The following ZNRF2 variants were observed in gnomAD, a reference collection of about 807,000 sequenced individuals.
The protein encoded by ZNRF2 is zinc and ring finger 2, also known as E3 ubiquitin-protein ligase ZNRF2.
A neutral mutation model predicts 20.4 loss-of-function variants in ZNRF2; 16 were observed. The observed-to-expected ratio is 0.79, with a 90% CI of 0.53 to 1.19. The LOEUF is 1.19. Among genes scored for constraint, ZNRF2 ranks in the 50% most tolerant of loss-of-function variants. The pLI is 0.00. For synonymous variants in ZNRF2, 178 were observed against 144.9 expected (o/e 1.23, Z -1.64); for missense variants, 363 against 332.4 (o/e 1.09, Z -0.72).
chr7:30,321,457 A>C (rs952162033), intron 1 of ZNRF2, among the ~76,000 whole-genome samples: 1 of 151,670 alleles, frequency 6.6e-6, no homozygotes, highest in African/African-American at 2.4e-5. Flanking sequence ...ATTTTTATTA[A>C]ATATTATTTA....
At chr7:30,346,651 A>T (rs1236367528) in intron 2 of ZNRF2, among the ~76,000 whole-genome samples, 1 of 151,974 alleles carries the variant, frequency 6.6e-6, no homozygotes, top group Non-Finnish European at 1.5e-5. Context: ...CCGTACTCCC[A>T]TCTCTAATTA....
intron 1 of ZNRF2, among the ~76,000 whole-genome samples, chr7:30,305,398 A>G (rs1799184192): frequency 6.6e-6 from 1 of 152,154 alleles, no homozygotes. Flanking sequence ...CTCATGTTTT[A>G]AAAGATATCT....
At chr7:30,316,288 CAAAAAAAAAAAAA>C (rs60218988) in intron 1 of ZNRF2, among the ~76,000 whole-genome samples, 2,643 of 27,648 alleles carry the variant, frequency 0.096, 111 homozygotes, top group African/African-American at 0.22. Context: ...AACTCCATCT[CAAAAAAAAAAAAA>C]AAAAAAAAAA....
At position 30,356,464 on chromosome 7, in the gene ZNRF2, A is replaced by C. The variant is rs1337602922; in HGVS notation, c.671+631A>C. Among the ~76,000 whole-genome samples, 5 of 152,306 alleles carry C rather than the reference A, an allele frequency of 3.3e-5. 1 individual carries two copies. The South Asian group carries it at 1.0e-3, about 32-fold the overall frequency. On this transcript the variant is annotated intron_variant, in intron 3 of 4. Coordinates refer to ENST00000323037, the MANE Select transcript of ZNRF2 (RefSeq NM_147128.4). Reference sequence around the variant, plus strand: ...CAGTTATAATAAATACACATAGAACAAACCCACTGGTTGAAAAACAGATTG... The same window carrying C: ...CAGTTATAATAAATACACATAGAACCAACCCACTGGTTGAAAAACAGATTG...
intron 3 of ZNRF2, among the ~76,000 whole-genome samples, chr7:30,358,173 A>G (rs1226102674): frequency 6.6e-6 from 1 of 152,248 alleles, no homozygotes. Flanking sequence ...AAAAGCTAAC[A>G]ATAAATATTG....
chr7:30,329,732 A>T (rs1583584438), intron 2 of ZNRF2, among the ~76,000 whole-genome samples: 2 of 152,162 alleles, frequency 1.3e-5, no homozygotes, highest in African/African-American at 4.8e-5. Flanking sequence ...TTGAATCCAT[A>T]TCTTGGTTAT....
At chr7:30,344,493 AG>A (rs1218647667) in intron 2 of ZNRF2, among the ~76,000 whole-genome samples, 2 of 151,410 alleles carry the variant, frequency 1.3e-5, no homozygotes, top group Non-Finnish European at 2.9e-5. Context: ...TATACTATTA[AG>A]TTTTTTTTGT....
chr7:30,349,807 A>T (rs1799937005), intron 2 of ZNRF2, among the ~76,000 whole-genome samples: 1 of 152,042 alleles, frequency 6.6e-6, no homozygotes, highest in African/African-American at 2.4e-5. Flanking sequence ...TTCAAAGTAT[A>T]CTTTATTCTA....
chr7:30,303,093 C>T (rs1311989336), intron 1 of ZNRF2, among the ~76,000 whole-genome samples: 1 of 151,910 alleles, frequency 6.6e-6, no homozygotes, highest in East Asian at 1.9e-4. Context: ...CCAGCCTGGG[C>T]AACATGGAAA....
intron 3 of ZNRF2, 148 bp from the exon 4 acceptor site, chr7:30,362,229 A>C: frequency 2.1e-6 from 1 of 467,330 alleles, no homozygotes; most frequent in Non-Finnish European, 3.8e-6. Flanking sequence ...AAACATTCTT[A>C]TCTGTTGCTT....
At chr7:30,290,466 A>G (rs570028512) in intron 1 of ZNRF2, among the ~76,000 whole-genome samples, 4 of 152,218 alleles carry the variant, frequency 2.6e-5, no homozygotes, top group African/African-American at 9.6e-5. Flanking sequence ...AGGTCTGCCC[A>G]CAGACTTCCT....
chr7:30,355,623 C>A (rs1232433299), intron 2 of ZNRF2, 105 bp from the exon 3 acceptor site: 9 of 806,962 alleles, frequency 1.1e-5, no homozygotes, highest in Non-Finnish European at 1.8e-5. Flanking sequence ...AAAGATATGC[C>A]AAGTAAGGTG....
At chr7:30,286,440 T>G (rs992721694) in intron 1 of ZNRF2, among the ~76,000 whole-genome samples, 1 of 152,212 alleles carries the variant, frequency 6.6e-6, no homozygotes, top group Non-Finnish European at 1.5e-5. Flanking sequence ...GAGTCCTGCT[T>G]AATTTGGAAA....
chr7:30,322,580 T>C (rs1411661629), intron 1 of ZNRF2, among the ~76,000 whole-genome samples: 1 of 152,180 alleles, frequency 6.6e-6, no homozygotes, highest in East Asian at 1.9e-4. Flanking sequence ...GACACCACTG[T>C]CTCTCTTTTA....
intron 2 of ZNRF2, among the ~76,000 whole-genome samples, chr7:30,354,342 A>T (rs1583596260): frequency 6.6e-6 from 1 of 152,178 alleles, no homozygotes; most frequent in South Asian, 2.1e-4. Context: ...CAGCTGATAT[A>T]AACCCTTCTT....
At chr7:30,317,570 C>T (rs1209069885) in intron 1 of ZNRF2, among the ~76,000 whole-genome samples, 4 of 152,074 alleles carry the variant, frequency 2.6e-5, no homozygotes, top group African/African-American at 9.7e-5. Context: ...ATGGCAACAC[C>T]AAATTTGTAT....
chr7:30,287,581 A>G lies in ZNRF2; in HGVS notation c.469+1755A>G, dbSNP rs192836285. ...GTTGAGCCCCATGCTATTCCTAGTA[A>G]GTAAAAATACCTAGTTGCTTAAAGT... is the stretch of plus-strand genomic sequence containing the variant. On this transcript the variant is annotated intron_variant, in intron 1 of 4. Coordinates refer to ENST00000323037, the MANE Select transcript of ZNRF2 (RefSeq NM_147128.4). 6.6e-4 allele frequency among the ~76,000 whole-genome samples: 101 copies of G among 152,318 alleles called. No individual in the cohort carries two copies. The East Asian group carries it at 0.014, about 21-fold the overall frequency.
intron 1 of ZNRF2, among the ~76,000 whole-genome samples, chr7:30,288,303 T>G (rs1003098637): frequency 2.6e-5 from 4 of 152,218 alleles, no homozygotes; most frequent in African/African-American, 9.6e-5. Context: ...ATTTCAGAAT[T>G]AGTGGAAAGT....
chr7:30,348,524 TACA>T (rs1799912834), intron 2 of ZNRF2, among the ~76,000 whole-genome samples: 1 of 152,220 alleles, frequency 6.6e-6, no homozygotes, highest in Non-Finnish European at 1.5e-5. Context: ...TTATTTTGCT[TACA>T]CAGCATCAGA....
Sources: gnomAD v4.1 joint callset for allele counts (sites outside exome capture counted in the v4.1 genomes callset) on GRCh38, gnomAD v4.1.1 for gene constraint, MANE v1.5 for transcripts, NCBI Gene and HGNC (gene_info 2026-07-23, HGNC 2026-07-21) for gene names.